The following AVEN variants were observed in gnomAD, a reference collection of about 807,000 sequenced individuals.
The protein encoded by AVEN is apoptosis and caspase activation inhibitor, also known as cell death regulator Aven.
Under a neutral mutation model 38.1 loss-of-function variants are expected in AVEN, and 41 were observed. That is an observed-to-expected ratio of 1.08 (90% confidence interval 0.84 to 1.40). AVEN has a LOEUF of 1.40. AVEN is among the 40% of genes most tolerant of loss of function. The probability of loss-of-function intolerance (pLI) is 0.00; values close to 1 mark genes in which losing one functional copy is unlikely to be tolerated. For missense variants in AVEN, 605 were observed against 438.8 expected, an observed-to-expected ratio of 1.38 and a Z score of -3.38; for synonymous variants, 206 against 171.8, an observed-to-expected ratio of 1.20 and a Z score of -1.56.
At chr15:33,968,581 G>T (rs663273) in intron 2 of AVEN, 148,210 of 152,118 alleles carry the variant, frequency 0.97, 72,273 homozygotes, top group Non-Finnish European at 1. Flanking sequence ...CAAAAAACAG[G>T]GTACCAGAAG....
intron 2 of AVEN, among the ~76,000 whole-genome samples, chr15:33,912,578 C>T (rs890785928): frequency 1.3e-5 from 2 of 152,200 alleles, no homozygotes; most frequent in Non-Finnish European, 2.9e-5. Context: ...AACTTAATCC[C>T]TCTCAAAGAG....
At chr15:34,024,242 A>T (rs1898337296) in intron 1 of AVEN, among the ~76,000 whole-genome samples, 1 of 152,218 alleles carries the variant, frequency 6.6e-6, no homozygotes, top group Non-Finnish European at 1.5e-5. Flanking sequence ...CAAAAAAGGA[A>T]TACTTTATAA....
intron 2 of AVEN, among the ~76,000 whole-genome samples, chr15:33,890,134 G>GT (rs1389569060): frequency 2.6e-5 from 4 of 152,178 alleles, no homozygotes; most frequent in South Asian, 2.1e-4. Flanking sequence ...TGGTTTTCTG[G>GT]TTTTTTTACT....
chr15:33,891,297 T>C (rs973273473), intron 2 of AVEN, among the ~76,000 whole-genome samples: 2 of 152,148 alleles, frequency 1.3e-5, no homozygotes, highest in African/African-American at 2.4e-5. Flanking sequence ...GTTTGATATA[T>C]AGGTATACAT....
intron 2 of AVEN, among the ~76,000 whole-genome samples, chr15:34,068,737 G>A (rs1177386806): frequency 6.6e-6 from 1 of 151,612 alleles, no homozygotes; most frequent in African/African-American, 2.4e-5. Context: ...TCATGTCATG[G>A]TTAGACTTAT....
At position 33,867,677 on chromosome 15, in the gene AVEN, G is replaced by A; in HGVS notation, c.791C>T (p.Pro264Leu). Residue 264 changes from proline to leucine, a missense_variant, in exon 5 of 6, where the codon CCT becomes CTT. Pro to Leu is a moderately conservative substitution (Grantham distance 98, BLOSUM62 -3). Coordinates refer to ENST00000306730, the MANE Select transcript of AVEN (RefSeq NM_020371.3). Reference protein sequence around the residue: ...LLGKDNPSPGPSRDSQKPTSP... With the variant: ...LLGKDNPSPGLSRDSQKPTSP... The stretch of plus-strand genomic sequence containing the variant: ...AGTGGGTTTCTGAGAATCCCTTGAA[G>A]GACCCGGGCTTGGGTTGTCTTTGCC... 2 of 1,614,194 alleles carry A rather than the reference G, an allele frequency of 1.2e-6. No individual in the cohort carries two copies. Among genetic ancestry groups the A allele is most frequent in the Non-Finnish European group, 1.7e-6 (2 of 1,180,036 alleles).
intron 1 of AVEN, among the ~76,000 whole-genome samples, chr15:34,005,149 A>G (rs946839218): frequency 6.6e-6 from 1 of 152,158 alleles, no homozygotes; most frequent in African/African-American, 2.4e-5. Context: ...ATATTTATAT[A>G]TACTTCTTTT....
intron 2 of AVEN, chr15:33,991,431 T>C (rs1164337961): frequency 6.6e-6 from 1 of 152,036 alleles, no homozygotes; most frequent in Non-Finnish European, 1.5e-5. Context: ...TTATTATGCA[T>C]GGCATACCTG....
intron 2 of AVEN, among the ~76,000 whole-genome samples, chr15:33,955,738 C>G (rs904314312): frequency 1.9e-4 from 29 of 152,158 alleles, no homozygotes; most frequent in Middle Eastern, 3.2e-3. Flanking sequence ...AATAGTTAAT[C>G]TCTCTCCGAA....
chr15:34,008,584 G>T (rs1203425467), intron 1 of AVEN, among the ~76,000 whole-genome samples: 1 of 150,480 alleles, frequency 6.6e-6, no homozygotes, highest in Non-Finnish European at 1.5e-5. Flanking sequence ...CGCCTCCCGG[G>T]TTCAAGTCAT....
chr15:33,915,621 A>G (rs536976910), intron 2 of AVEN, among the ~76,000 whole-genome samples: 1 of 152,348 alleles, frequency 6.6e-6, no homozygotes, highest in Admixed American at 6.5e-5. Flanking sequence ...GGGAACTTCC[A>G]GCTGAGCTTT....
At chr15:33,968,099 TAAAAA>T (rs71119906) in intron 2 of AVEN, among the ~76,000 whole-genome samples, 865 of 25,850 alleles carry the variant, frequency 0.033, 13 homozygotes, top group East Asian at 0.097. Flanking sequence ...TAGCAAAGCT[TAAAAA>T]AAAAAAAAAA....
intron 2 of AVEN, among the ~76,000 whole-genome samples, chr15:33,937,211 A>G (rs1377745004): frequency 6.6e-6 from 1 of 150,642 alleles, no homozygotes. Context: ...ATTCAATTAG[A>G]TGCTGGGGCA....
chr15:33,926,053 G>T (rs1010576210), intron 2 of AVEN, among the ~76,000 whole-genome samples: 9 of 152,144 alleles, frequency 5.9e-5, no homozygotes, highest in Non-Finnish European at 1.3e-4. Context: ...TTTCAACATA[G>T]TTTTTCAGAT....
At chr15:33,916,305 T>C (rs1893134062) in intron 2 of AVEN, among the ~76,000 whole-genome samples, 1 of 152,204 alleles carries the variant, frequency 6.6e-6, no homozygotes, top group South Asian at 2.1e-4. Flanking sequence ...CTGGAGCAAG[T>C]GCTGGTATCT....
chr15:33,931,516 A>G (rs183118464), intron 2 of AVEN, among the ~76,000 whole-genome samples: 1,617 of 151,148 alleles, frequency 0.011, 24 homozygotes, highest in African/African-American at 0.035. Context: ...GACTACAGGC[A>G]CCCGCCACCA....
chr15:33,902,948 A>G (rs1377741830), intron 2 of AVEN, among the ~76,000 whole-genome samples: 1 of 152,224 alleles, frequency 6.6e-6, no homozygotes, highest in Non-Finnish European at 1.5e-5. Context: ...CACAACTGCT[A>G]AAGCAAATGC....
chr15:33,984,565 G>A (rs781285789), intron 2 of AVEN, among the ~76,000 whole-genome samples: 7 of 152,028 alleles, frequency 4.6e-5, no homozygotes, highest in Non-Finnish European at 8.8e-5. Flanking sequence ...ATCACACCCG[G>A]CTAATTTTGT....
At chr15:33,875,842 G>A in intron 3 of AVEN, 83 bp downstream of exon 3, 1 of 1,294,708 alleles carries the variant, frequency 7.7e-7, no homozygotes. Context: ...TCTACATGAA[G>A]ACTCTATCTC....
Sources: gnomAD v4.1 joint callset for allele counts (sites outside exome capture counted in the v4.1 genomes callset) on GRCh38, gnomAD v4.1.1 for gene constraint, MANE v1.5 for transcripts, NCBI Gene and HGNC (gene_info 2026-07-23, HGNC 2026-07-21) for gene names.